CALN1: variants seen among roughly 807,000 people sequenced by gnomAD.
CALN1 encodes calcium-binding protein 8.
A neutral mutation model predicts 30.6 loss-of-function variants in CALN1; 17 were observed. The observed-to-expected ratio is 0.56, with a 90% CI of 0.38 to 0.83. The LOEUF is 0.83. Among genes scored for constraint, CALN1 ranks in the 40% least tolerant of loss-of-function variants. The probability of loss-of-function intolerance (pLI) is 0.00; values close to 1 mark genes in which losing one functional copy is unlikely to be tolerated. For missense variants in CALN1, 291 were observed against 354.9 expected (o/e 0.82, Z 1.45); for synonymous variants, 156 against 131.4 (o/e 1.19, Z -1.28).
chr7:72,167,701 A>AT (rs1342709155), intron 3 of CALN1, among the ~76,000 whole-genome samples: 1 of 152,206 alleles, frequency 6.6e-6, no homozygotes, highest in Non-Finnish European at 1.5e-5. Context: ...GAATCATTTA[A>AT]TATCTCTGAG....
At chr7:72,407,049 T>A (rs1033552855) in intron 1 of CALN1, among the ~76,000 whole-genome samples, 2 of 152,194 alleles carry the variant, frequency 1.3e-5, no homozygotes, top group Non-Finnish European at 2.9e-5. Context: ...AAAAGTGATG[T>A]AGCCCTGGGT....
chr7:72,411,709 A>G (rs1042308974), intron 1 of CALN1, among the ~76,000 whole-genome samples: 2 of 152,220 alleles, frequency 1.3e-5, no homozygotes, highest in Non-Finnish European at 2.9e-5. Flanking sequence ...AACTAACTGG[A>G]AGACACAGCC....
intron 1 of CALN1, among the ~76,000 whole-genome samples, chr7:72,419,942 A>G (rs1393520938): frequency 6.6e-6 from 1 of 152,090 alleles, no homozygotes. Context: ...ACTGCTCAAT[A>G]AAGTCTTCTG....
the CALN1 span, among the ~76,000 whole-genome samples, chr7:72,460,328 T>C: frequency 6.6e-6 from 1 of 152,072 alleles, no homozygotes. Context: ...GGTGGTAAAA[T>C]GGAGATGAAA....
chr7:72,351,078 T>C (rs1802895496), intron 2 of CALN1, among the ~76,000 whole-genome samples: 2 of 151,948 alleles, frequency 1.3e-5, no homozygotes, highest in African/African-American at 2.4e-5. Context: ...GAGGTGGAGG[T>C]TGCAGTGAGC....
chr7:72,221,939 T>G (rs1793335083), intron 3 of CALN1, among the ~76,000 whole-genome samples: 1 of 146,284 alleles, frequency 6.8e-6, no homozygotes, highest in South Asian at 2.2e-4. Context: ...AAGAAAAGAG[T>G]TTTAGGCCAG....
chr7:71,962,160 A>G (rs1333734508), intron 5 of CALN1, among the ~76,000 whole-genome samples: 1 of 152,084 alleles, frequency 6.6e-6, no homozygotes, highest in African/African-American at 2.4e-5. Context: ...TGAGAGGCCA[A>G]GGCTGGAGGA....
chr7:71,876,995 T>C (rs1351310497), intron 5 of CALN1, among the ~76,000 whole-genome samples: 1 of 152,206 alleles, frequency 6.6e-6, no homozygotes, highest in Non-Finnish European at 1.5e-5. Context: ...AGCAATCAAT[T>C]AGAACCCTTG....
At chr7:71,955,177 C>T (rs1017614911) in intron 5 of CALN1, among the ~76,000 whole-genome samples, 1 of 151,958 alleles carries the variant, frequency 6.6e-6, no homozygotes, top group African/African-American at 2.4e-5. Context: ...AGAGTGAGAA[C>T]CAAGCGAAAC....
chr7:72,375,867 T>C (rs1434677933), intron 2 of CALN1, among the ~76,000 whole-genome samples: 2 of 152,174 alleles, frequency 1.3e-5, no homozygotes, highest in Admixed American at 1.3e-4. Flanking sequence ...AACTATCTGA[T>C]ACTAGAACAT....
intron 5 of CALN1, among the ~76,000 whole-genome samples, chr7:71,845,324 A>C (rs915708861): frequency 6.6e-6 from 1 of 152,154 alleles, no homozygotes. Flanking sequence ...TTTGGCAAAC[A>C]CTCTGCCAGA....
intron 5 of CALN1, among the ~76,000 whole-genome samples, chr7:71,885,161 C>T (rs974177237): frequency 2.0e-5 from 3 of 151,852 alleles, no homozygotes; most frequent in Non-Finnish European, 2.9e-5. Context: ...TTTCTTTTTT[C>T]TTTTTTTTGA....
At chr7:72,212,121 G>A (rs992901852) in intron 3 of CALN1, among the ~76,000 whole-genome samples, 4 of 152,112 alleles carry the variant, frequency 2.6e-5, no homozygotes, top group Non-Finnish European at 4.4e-5. Flanking sequence ...GGGAGGCCAA[G>A]GCGGGCAGAT....
At chr7:72,186,803 A>G (rs969280033) in intron 3 of CALN1, among the ~76,000 whole-genome samples, 13 of 150,866 alleles carry the variant, frequency 8.6e-5, no homozygotes, top group Non-Finnish European at 1.5e-4. Flanking sequence ...TTCTTTATGC[A>G]GTCCACCACT....
At chr7:72,172,777 A>C (rs966706983) in intron 3 of CALN1, among the ~76,000 whole-genome samples, 3 of 152,234 alleles carry the variant, frequency 2.0e-5, no homozygotes, top group Non-Finnish European at 2.9e-5. Context: ...AATTAGAAAT[A>C]GTGGGTAATT....
At chr7:71,793,317 A>C (rs1786688365) in intron 6 of CALN1, among the ~76,000 whole-genome samples, 1 of 151,308 alleles carries the variant, frequency 6.6e-6, no homozygotes, top group African/African-American at 2.4e-5. Context: ...AAAACAAAAC[A>C]AAAAAAAAGC....
At chr7:72,303,675 C>T (rs1417523190) in intron 2 of CALN1, among the ~76,000 whole-genome samples, 3 of 152,108 alleles carry the variant, frequency 2.0e-5, no homozygotes, top group East Asian at 1.9e-4. Flanking sequence ...CTCCCTCCTT[C>T]ACTCTCTTTT....
chr7:71,951,001 T>G (rs1179152510), intron 5 of CALN1, among the ~76,000 whole-genome samples: 1 of 152,194 alleles, frequency 6.6e-6, no homozygotes, highest in African/African-American at 2.4e-5. Context: ...TCTATCCCCG[T>G]TTTATTTCTA....
intron 1 of CALN1, among the ~76,000 whole-genome samples, chr7:72,409,513 CATT>C (rs1806963089): frequency 1.4e-5 from 2 of 145,024 alleles, no homozygotes; most frequent in Non-Finnish European, 3.0e-5. Flanking sequence ...TGGCCAACCT[CATT>C]ATTTCAGCGT....
Sources: gnomAD v4.1 joint callset for allele counts (sites outside exome capture counted in the v4.1 genomes callset) on GRCh38, gnomAD v4.1.1 for gene constraint, MANE v1.5 for transcripts, NCBI Gene and HGNC (gene_info 2026-07-23, HGNC 2026-07-21) for gene names.